Variants in ST3GAL6 observed in about 807,000 individuals in gnomAD.
ST3GAL6 encodes type 2 lactosamine alpha-2,3-sialyltransferase.
Under a neutral mutation model 40.5 loss-of-function variants are expected in ST3GAL6, and 31 were observed. That is an observed-to-expected ratio of 0.77 (90% CI 0.58 to 1.03). ST3GAL6 has a LOEUF of 1.03. ST3GAL6 is among the 50% of genes least tolerant of loss of function. The pLI is 0.00. For missense variants in ST3GAL6, 357 were observed against 393.2 expected (o/e 0.91, Z 0.78); for synonymous variants, 129 against 136.9 (o/e 0.94, Z 0.40).
intron 1 of ST3GAL6, among the ~76,000 whole-genome samples, chr3:98,737,933 T>C (rs1477769390): frequency 1.3e-5 from 2 of 152,172 alleles, no homozygotes; most frequent in Non-Finnish European, 2.9e-5. Flanking sequence ...CCAAATCTCA[T>C]ATTCAATTGT....
At chr3:98,771,489 CACTTTG>C (rs1203618397) in intron 3 of ST3GAL6, among the ~76,000 whole-genome samples, 3 of 152,168 alleles carry the variant, frequency 2.0e-5, no homozygotes, top group Non-Finnish European at 4.4e-5. Flanking sequence ...TTTCCTCCAT[CACTTTG>C]ACTTTGACAG....
chr3:98,788,088 A>T lies in ST3GAL6; in HGVS notation c.484A>T (p.Thr162Ser). The change falls in exon 7 of 10, where the codon ACC becomes TCC. Residue 162 changes from threonine to serine, a missense_variant. Thr to Ser is a moderately conservative substitution (Grantham distance 58). Transcript: ENST00000483910. ...TGAAGAAGAAGTTGGGAGAAGGACA[A>T]CCTTCCGACTTTTTTATCCAGAATC... is the stretch of plus-strand genomic sequence containing the variant. ...GHEEEVGRRT[T>S]FRLFYPESVF... 6.2e-7 allele frequency: 1 copy of T among 1,613,996 alleles called. No individual in the cohort carries two copies. Among genetic ancestry groups the T allele is most frequent in the Non-Finnish European group, 8.5e-7 (1 of 1,179,962 alleles).
At chr3:98,733,696 C>G (rs773186060) in intron 1 of ST3GAL6, 1 of 725,626 alleles carries the variant, frequency 1.4e-6, no homozygotes, top group Non-Finnish European at 1.7e-6. Context: ...AATCTCAAGC[C>G]TCTTTCTTGT....
chr3:98,771,105 C>T (rs1938939151), intron 3 of ST3GAL6, 149 bp downstream of exon 3: 1 of 1,516,532 alleles, frequency 6.6e-7, no homozygotes. Context: ...TATCCTGTCT[C>T]TTTTTGTGCT....
chr3:98,750,944 C>T (rs1936963374), intron 1 of ST3GAL6, among the ~76,000 whole-genome samples: 1 of 152,136 alleles, frequency 6.6e-6, no homozygotes. Context: ...TGTCTTGTTT[C>T]CTTCCTTGAT....
At chr3:98,735,797 A>G (rs1046471663) in intron 1 of ST3GAL6, among the ~76,000 whole-genome samples, 4 of 147,238 alleles carry the variant, frequency 2.7e-5, no homozygotes, top group Non-Finnish European at 6.0e-5. Flanking sequence ...GAATGTATAC[A>G]TTGGATATTA....
At chr3:98,765,505 C>T (rs1463325549) in intron 1 of ST3GAL6, among the ~76,000 whole-genome samples, 1 of 152,152 alleles carries the variant, frequency 6.6e-6, no homozygotes, top group Admixed American at 6.5e-5. Context: ...TTTGATGCTC[C>T]ACACAAAATA....
chr3:98,733,131 C>A, intron 1 of ST3GAL6: 1 of 1,282,524 alleles, frequency 7.8e-7, no homozygotes, highest in East Asian at 3.1e-5. Flanking sequence ...GGGGTGGGGA[C>A]ACGGAGCGCT....
intron 5 of ST3GAL6, among the ~76,000 whole-genome samples, chr3:98,775,030 C>T (rs1939388548): frequency 6.6e-6 from 1 of 152,090 alleles, no homozygotes; most frequent in African/African-American, 2.4e-5. Context: ...TTTTGCAGAC[C>T]TTTCACATAT....
chr3:98,769,868 T>C (rs1162508440), intron 2 of ST3GAL6, among the ~76,000 whole-genome samples: 1 of 152,232 alleles, frequency 6.6e-6, no homozygotes, highest in African/African-American at 2.4e-5. Context: ...CATGTTATCC[T>C]CCAAATATAA....
At chr3:98,780,125 T>C (rs931934359) in intron 5 of ST3GAL6, among the ~76,000 whole-genome samples, 1 of 152,184 alleles carries the variant, frequency 6.6e-6, no homozygotes, top group Admixed American at 6.5e-5. Flanking sequence ...AAGGAGAGAA[T>C]GAATCAGTCC....
At chr3:98,782,744 C>A in intron 5 of ST3GAL6, 1 of 501,486 alleles carries the variant, frequency 2.0e-6, no homozygotes, top group South Asian at 1.6e-5. Context: ...AGATCATGTT[C>A]AGCCTCCAAG....
chr3:98,784,428 CT>C (rs2107310626), intron 5 of ST3GAL6: 1 of 153,974 alleles, frequency 6.5e-6, no homozygotes, highest in Non-Finnish European at 1.4e-5. Context: ...AGATTCCAAA[CT>C]GTCCATCTCC....
chr3:98,760,322 C>A (rs1293909503), upstream of ST3GAL6, among the ~76,000 whole-genome samples: 1 of 152,222 alleles, frequency 6.6e-6, no homozygotes, highest in Non-Finnish European at 1.5e-5. Flanking sequence ...GGAGCTGAGA[C>A]TCTGCAGCTC....
At chr3:98,750,659 G>A (rs1936939978) in intron 1 of ST3GAL6, among the ~76,000 whole-genome samples, 1 of 151,976 alleles carries the variant, frequency 6.6e-6, no homozygotes, top group East Asian at 1.9e-4. Flanking sequence ...AACTTAACAG[G>A]ATGCTCAGGT....
chr3:98,751,593 C>T (rs1937013034), intron 1 of ST3GAL6, among the ~76,000 whole-genome samples: 1 of 152,156 alleles, frequency 6.6e-6, no homozygotes, highest in Admixed American at 6.5e-5. Flanking sequence ...TTCAGCACAT[C>T]AGCTGATTTT....
intron 8 of ST3GAL6, among the ~76,000 whole-genome samples, chr3:98,790,427 T>C (rs868234405): frequency 6.6e-6 from 1 of 152,136 alleles, no homozygotes; most frequent in South Asian, 2.1e-4. Context: ...AGCCACTCTT[T>C]TGACTGCTTT....
intron 1 of ST3GAL6, among the ~76,000 whole-genome samples, chr3:98,741,486 C>T (rs369720302): frequency 4.0e-5 from 6 of 151,882 alleles, no homozygotes; most frequent in South Asian, 2.1e-4. Flanking sequence ...TGACCAAAGG[C>T]GCTGAGACAT....
In ST3GAL6 at chr3:98,788,073, G is replaced by A; in HGVS notation, c.469G>A (p.Val157Ile). The change falls in exon 7 of 10, where the codon GTT (valine) becomes ATT (isoleucine). Residue 157 changes from valine to isoleucine, a missense_variant. Coordinates refer to ENST00000483910, the MANE Select transcript of ST3GAL6 (RefSeq NM_001323368.2). ...TCCTGTTTTAGGACATGAAGAAGAA[G>A]TTGGGAGAAGGACAACCTTCCGACT... ...NGPVLGHEEE[V>I]GRRTTFRLFY... is the part of the protein sequence containing the mutation. The A allele has an allele frequency of 6.2e-7, 1 of 1,613,914 alleles. No homozygotes were observed. The highest frequency in any genetic ancestry group is 2.2e-5 in the East Asian group (1 of 44,862).
Sources: allele counts gnomAD v4.1 joint callset (sites outside exome capture counted in the v4.1 genomes callset), GRCh38; gene constraint gnomAD v4.1.1; transcripts MANE v1.5; gene names NCBI Gene and HGNC (gene_info 2026-07-23, HGNC 2026-07-21).